The following STRN variants were observed in gnomAD, a reference collection of about 807,000 sequenced individuals.
The protein encoded by STRN is striatin, also known as protein phosphatase 2 regulatory subunit B'''alpha.
A neutral mutation model predicts 96.3 loss-of-function variants in STRN; 53 were observed. The observed-to-expected ratio is 0.55, with a 90% CI of 0.44 to 0.69. The LOEUF is 0.69. Ranked by LOEUF, STRN falls within the 30% of genes least tolerant of loss-of-function variation. The pLI is 0.00. For synonymous variants in STRN, 428 were observed against 355.9 expected (o/e 1.20, Z -2.28); for missense variants, 987 against 963.9 (o/e 1.02, Z -0.32).
rs7557792 is a variant in STRN at position 36,865,859 on chromosome 2, G to C, written c.1547+1955C>G. ...ACAGGTGTGAGCCACTGCACTGGCC[G>C]AGATCTAATTTTTTGATGTGGGTGT... On this transcript the variant is annotated intron_variant, in intron 12 of 17. Transcript: ENST00000263918. Among the ~76,000 whole-genome samples the C allele has an allele frequency of 6.2e-3, 937 of 152,088 alleles. 9 individuals are homozygous for C. Among genetic ancestry groups the C allele is most frequent in the African/African-American group, 0.02 (842 of 41,518 alleles).
At chr2:36,853,952 C>G (rs1668280860) in intron 15 of STRN, among the ~76,000 whole-genome samples, 2 of 152,078 alleles carry the variant, frequency 1.3e-5, no homozygotes, top group Non-Finnish European at 2.9e-5. Flanking sequence ...TAAAAACATT[C>G]TTGGAAGTTT....
At chr2:36,863,251 C>T (rs1382790231) in intron 12 of STRN, among the ~76,000 whole-genome samples, 2 of 151,922 alleles carry the variant, frequency 1.3e-5, no homozygotes, top group Non-Finnish European at 2.9e-5. Flanking sequence ...AAATCTTTGC[C>T]AGGGCATATG....
chr2:36,858,513 C>T (rs1485055594), intron 13 of STRN, among the ~76,000 whole-genome samples: 1 of 152,112 alleles, frequency 6.6e-6, no homozygotes, highest in African/African-American at 2.4e-5. Flanking sequence ...TCATAATGGA[C>T]AGGAAGTGAC....
chr2:36,887,604 TG>T (rs2148179904), intron 7 of STRN, among the ~76,000 whole-genome samples: 1 of 152,288 alleles, frequency 6.6e-6, no homozygotes, highest in South Asian at 2.1e-4. Context: ...TAAACGCCAA[TG>T]ATCTTTTAAA....
Position 36,847,856 on chromosome 2 carries a change from G to C in STRN, c.*1600C>G, listed in dbSNP as rs1307618998. On this transcript the variant is annotated 3_prime_UTR_variant, in exon 18 of 18. Transcript: ENST00000263918. ...ATGACGATGGAAAATGTGGGGAATG[G>C]AATATGTAGAAATTGTTTTAATTGG... 6.6e-6 allele frequency: 1 copy of C among 152,118 alleles called. No homozygotes were observed. The highest frequency in any genetic ancestry group is 1.5e-5 in the Non-Finnish European group (1 of 68,014). 9.4% of individuals were successfully genotyped at this position (152,118 alleles called of 1,614,324 possible).
At position 36,957,745 on chromosome 2, in the gene STRN, T is replaced by TTTG. The variant is rs1491277743; in HGVS notation, c.234+8484_234+8485insCAA. Among the ~76,000 whole-genome samples the TTTG allele has an allele frequency of 9.8e-5, 6 of 61,502 alleles. 1 individual carries two copies. The highest frequency in any genetic ancestry group is 1.5e-3 in the South Asian group (2 of 1,378). 40.3% of individuals were successfully genotyped at this position (61,502 alleles called of 152,430 possible). ...TAGTCTCATAGTTCTTCTTTTTGTC[T>TTTG]TTTTTTTTTTTTTTTTTTTTTTTTT... On this transcript the variant is annotated intron_variant, in intron 1 of 17. Transcript: ENST00000263918.
At chr2:36,849,646 A>C in intron 17 of STRN, 21 bp from the exon 18 acceptor site, 1 of 1,612,056 alleles carries the variant, frequency 6.2e-7, no homozygotes, top group Non-Finnish European at 8.5e-7. Flanking sequence ...AAAAAAAATT[A>C]AAAGGAAAAA....
chr2:36,874,047 A>T (rs2717516), intron 10 of STRN, among the ~76,000 whole-genome samples: 10 of 150,968 alleles, frequency 6.6e-5, no homozygotes, highest in African/African-American at 2.0e-4. Flanking sequence ...CAAGGTCAGG[A>T]GATCAAGACC....
chr2:36,958,079 C>G (rs563720837), intron 1 of STRN, among the ~76,000 whole-genome samples: 2 of 151,920 alleles, frequency 1.3e-5, no homozygotes, highest in African/African-American at 4.8e-5. Context: ...GCCAACACAC[C>G]TGGCTAATTT....
At chr2:36,946,697 T>C (rs2148261549) in intron 1 of STRN, among the ~76,000 whole-genome samples, 1 of 152,336 alleles carries the variant, frequency 6.6e-6, no homozygotes, top group South Asian at 2.1e-4. Context: ...ATATCCTGTG[T>C]TTTTGTATAT....
At chr2:36,874,227 G>A (rs1480224386) in intron 10 of STRN, among the ~76,000 whole-genome samples, 1 of 150,700 alleles carries the variant, frequency 6.6e-6, no homozygotes, top group African/African-American at 2.4e-5. Context: ...TCGCGCCACT[G>A]CACTACAGCC....
At chr2:36,868,641 G>C (rs1005326069) in intron 11 of STRN, among the ~76,000 whole-genome samples, 3 of 152,150 alleles carry the variant, frequency 2.0e-5, no homozygotes, top group Admixed American at 1.3e-4. Flanking sequence ...AGTCCATCTG[G>C]TTTTAGCAAC....
chr2:36,860,195 C>A (rs546208657), intron 13 of STRN, among the ~76,000 whole-genome samples: 1 of 151,948 alleles, frequency 6.6e-6, no homozygotes, highest in African/African-American at 2.4e-5. Context: ...AGAATGCAGT[C>A]GCAAAGAGAC....
intron 15 of STRN, among the ~76,000 whole-genome samples, chr2:36,853,637 G>A (rs1196467623): frequency 6.6e-6 from 1 of 152,030 alleles, no homozygotes; most frequent in Non-Finnish European, 1.5e-5. Context: ...TGACATCAAT[G>A]AGAAGAAGGG....
At chr2:36,874,615 G>C (rs1668852160) in intron 10 of STRN, among the ~76,000 whole-genome samples, 1 of 149,278 alleles carries the variant, frequency 6.7e-6, no homozygotes, top group Admixed American at 6.7e-5. Context: ...GATAATAATA[G>C]TGAAAAAAAT....
intron 2 of STRN, among the ~76,000 whole-genome samples, chr2:36,917,547 AAAAAAAG>A (rs1156629175): frequency 6.6e-6 from 1 of 151,366 alleles, no homozygotes; most frequent in Non-Finnish European, 1.5e-5. Context: ...AGAAAAAAAA[AAAAAAAG>A]AAAAAAAGAA....
intron 11 of STRN, 130 bp downstream of exon 11, chr2:36,869,424 A>C: frequency 2.2e-6 from 2 of 924,060 alleles, no homozygotes. Context: ...AAACACAATA[A>C]ATTACATGAC....
intron 14 of STRN, among the ~76,000 whole-genome samples, chr2:36,857,190 G>T (rs1207093056): frequency 6.6e-6 from 1 of 151,136 alleles, no homozygotes; most frequent in Non-Finnish European, 1.5e-5. Flanking sequence ...GCCTCCCAAA[G>T]TGCTAGGATT....
chr2:36,855,132 T>C (rs1668311786), intron 15 of STRN, 80 bp downstream of exon 15: 2 of 1,428,864 alleles, frequency 1.4e-6, no homozygotes. Context: ...GACAAATATT[T>C]TTCACAGCTG....
Sources: gnomAD v4.1 joint callset for allele counts (sites outside exome capture counted in the v4.1 genomes callset) on GRCh38, gnomAD v4.1.1 for gene constraint, MANE v1.5 for transcripts, NCBI Gene and HGNC (gene_info 2026-07-23, HGNC 2026-07-21) for gene names.